CDH13: variants seen among roughly 807,000 people sequenced by gnomAD.
CDH13 encodes cadherin 13.
CDH13 carries 24 observed loss-of-function variants against 63.8 expected under a neutral mutation model. That is an observed-to-expected ratio of 0.38 (90% CI 0.27 to 0.53). The LOEUF (loss-of-function observed/expected upper bound fraction) is 0.53. Among genes scored for constraint, CDH13 ranks in the 20% least tolerant of loss-of-function variants. CDH13 has a pLI of 0.85. For synonymous variants in CDH13, 503 were observed against 355.3 expected (o/e 1.42, Z -4.67); for missense variants, 1,049 against 903.1 (o/e 1.16, Z -2.07).
At chr16:82,869,665 C>T (rs2040276428) in intron 2 of CDH13, among the ~76,000 whole-genome samples, 1 of 152,064 alleles carries the variant, frequency 6.6e-6, no homozygotes, top group African/African-American at 2.4e-5. Flanking sequence ...AATAGCTAAC[C>T]CAGAAATCTA....
intron 3 of CDH13, among the ~76,000 whole-genome samples, chr16:83,115,704 G>C (rs1256513107): frequency 6.6e-6 from 1 of 152,212 alleles, no homozygotes; most frequent in African/African-American, 2.4e-5. Flanking sequence ...TTCAGCTTCT[G>C]CAATGCTTTG....
intron 3 of CDH13, among the ~76,000 whole-genome samples, chr16:83,072,822 G>T (rs769674143): frequency 2.6e-5 from 4 of 152,128 alleles, no homozygotes; most frequent in Admixed American, 6.5e-5. Context: ...CTGAATCAGA[G>T]TCTGTATTTT....
intron 6 of CDH13, among the ~76,000 whole-genome samples, chr16:83,372,749 T>TC (rs1555537364): frequency 0.11 from 10,510 of 95,338 alleles, 900 homozygotes; most frequent in Non-Finnish European, 0.14. Context: ...AGACTCGGTC[T>TC]AAAAAAAAAA....
chr16:83,764,255 C>A (rs1335562685), intron 11 of CDH13, among the ~76,000 whole-genome samples: 2 of 152,094 alleles, frequency 1.3e-5, no homozygotes, highest in Non-Finnish European at 2.9e-5. Flanking sequence ...GCCATGGACC[C>A]CCCCACTTGG....
intron 1 of CDH13, among the ~76,000 whole-genome samples, chr16:82,784,817 G>A (rs1193543610): frequency 6.6e-6 from 1 of 152,148 alleles, no homozygotes; most frequent in African/African-American, 2.4e-5. Flanking sequence ...GGCATTTTAG[G>A]AAGTGGGACC....
At chr16:83,465,325 C>T (rs1283324971) in intron 6 of CDH13, among the ~76,000 whole-genome samples, 2 of 152,190 alleles carry the variant, frequency 1.3e-5, no homozygotes, top group African/African-American at 4.8e-5. Context: ...TCTAGAATTA[C>T]AAGAGGGTCC....
chr16:82,684,764 TC>T (rs1288702061), intron 1 of CDH13, among the ~76,000 whole-genome samples: 1 of 152,216 alleles, frequency 6.6e-6, no homozygotes. Flanking sequence ...TTGAGAATTA[TC>T]CTCTGCAAAC....
intron 1 of CDH13, among the ~76,000 whole-genome samples, chr16:82,757,519 G>C (rs1434694150): frequency 6.6e-6 from 1 of 152,220 alleles, no homozygotes; most frequent in Non-Finnish European, 1.5e-5. Context: ...GCTCTGCCCA[G>C]AGGGCTTCCG....
At chr16:82,650,981 C>T (rs1272405069) in intron 1 of CDH13, among the ~76,000 whole-genome samples, 1 of 152,156 alleles carries the variant, frequency 6.6e-6, no homozygotes, top group Non-Finnish European at 1.5e-5. Context: ...CTGTGTTAAT[C>T]TTATCTGGCA....
chr16:82,900,734 T>C (rs894646660), intron 2 of CDH13, among the ~76,000 whole-genome samples: 1 of 152,144 alleles, frequency 6.6e-6, no homozygotes, highest in Non-Finnish European at 1.5e-5. Context: ...GAGAGGCCAG[T>C]GCTAAGGCAG....
chr16:83,070,147 C>T (rs2032325840), intron 3 of CDH13, among the ~76,000 whole-genome samples: 2 of 152,104 alleles, frequency 1.3e-5, no homozygotes, highest in African/African-American at 4.8e-5. Flanking sequence ...AAATTCTGCT[C>T]TTGCAGCAAC....
chr16:83,244,032 C>A (rs928218366), intron 5 of CDH13, among the ~76,000 whole-genome samples: 3 of 152,050 alleles, frequency 2.0e-5, no homozygotes, highest in Non-Finnish European at 4.4e-5. Context: ...AGAATTCTAA[C>A]GTCCATCCTC....
rs531544353 is a variant in CDH13, at chr16:83,155,781, T to C, written c.483+30280T>C. 4.6e-5 allele frequency among the ~76,000 whole-genome samples: 7 copies of C among 152,226 alleles called. No individual in the cohort carries two copies. The East Asian group carries it at 1.4e-3, about 29-fold the overall frequency. On this transcript the variant is annotated intron_variant, in intron 4 of 13. Transcript: ENST00000567109. ...CTGAACTGCAAACAGATGATATAAA[T>C]ACAGTGTAGTCAAGTCAAGGCAGTA...
chr16:83,277,203 C>A (rs758090143), intron 5 of CDH13, among the ~76,000 whole-genome samples: 2 of 152,136 alleles, frequency 1.3e-5, no homozygotes, highest in African/African-American at 2.4e-5. Context: ...GCAGGATAAT[C>A]AATGAGAGGT....
At chr16:82,874,317 C>T (rs1485335068) in intron 2 of CDH13, among the ~76,000 whole-genome samples, 1 of 152,118 alleles carries the variant, frequency 6.6e-6, no homozygotes, top group African/African-American at 2.4e-5. Flanking sequence ...AAACCTTAGT[C>T]GTGCTAAGAT....
At chr16:82,854,256 C>G (rs867794253) in intron 1 of CDH13, among the ~76,000 whole-genome samples, 8 of 152,130 alleles carry the variant, frequency 5.3e-5, no homozygotes, top group Admixed American at 3.9e-4. Context: ...AGAAAATTAG[C>G]TAGGCGTGGT....
chr16:82,912,016 G>C (rs1191388142), intron 2 of CDH13, among the ~76,000 whole-genome samples: 1 of 151,930 alleles, frequency 6.6e-6, no homozygotes, highest in African/African-American at 2.4e-5. Flanking sequence ...GCTCTTCCGT[G>C]TGCAGCCCTC....
intron 5 of CDH13, among the ~76,000 whole-genome samples, chr16:83,258,348 C>T (rs1341448057): frequency 6.6e-6 from 1 of 152,170 alleles, no homozygotes; most frequent in Non-Finnish European, 1.5e-5. Context: ...AGTCCTGGTT[C>T]CTGCTTATTA....
chr16:83,337,932 C>CA (rs774190827), intron 5 of CDH13, among the ~76,000 whole-genome samples: 14 of 151,044 alleles, frequency 9.3e-5, no homozygotes, highest in South Asian at 2.1e-4. Context: ...GATAATGAAA[C>CA]AAAAAAAATG....
Sources: allele counts gnomAD v4.1 joint callset (sites outside exome capture counted in the v4.1 genomes callset), GRCh38; gene constraint gnomAD v4.1.1; transcripts MANE v1.5; gene names NCBI Gene and HGNC (gene_info 2026-07-23, HGNC 2026-07-21).